The following OSBP2 variants were observed in gnomAD, a reference collection of about 807,000 sequenced individuals.
OSBP2 encodes oxysterol binding protein 2.
A neutral mutation model predicts 96.0 loss-of-function variants in OSBP2; 66 were observed. The observed-to-expected ratio is 0.69, with a 90% CI of 0.56 to 0.84. The LOEUF is 0.84. OSBP2 is among the 40% of genes least tolerant of loss of function. The pLI is 0.00. For synonymous variants in OSBP2, 525 were observed against 520.9 expected, an observed-to-expected ratio of 1.01 and a Z score of -0.11; for missense variants, 1,038 against 1,222.7, an observed-to-expected ratio of 0.85 and a Z score of 2.25.
chr22:30,858,194 C>T (rs1459232476), intron 2 of OSBP2, among the ~76,000 whole-genome samples: 3 of 147,736 alleles, frequency 2.0e-5, no homozygotes, highest in Middle Eastern at 3.2e-3. Context: ...GGCCGGACTG[C>T]GGACTGCAGT....
chr22:30,811,220 A>G (rs136248), intron 2 of OSBP2, among the ~76,000 whole-genome samples: 75,705 of 150,508 alleles, frequency 0.5, 20,079 homozygotes, highest in African/African-American at 0.69. Context: ...ATACTGATCA[A>G]GAGCTTGCTT....
chr22:30,795,826 C>T (rs1373527660), intron 2 of OSBP2, among the ~76,000 whole-genome samples: 1 of 152,208 alleles, frequency 6.6e-6, no homozygotes, highest in African/African-American at 2.4e-5. Flanking sequence ...GCCTCCAGTG[C>T]ATTCTTAGCT....
chr22:30,824,798 T>A (rs1261694106), intron 2 of OSBP2, among the ~76,000 whole-genome samples: 2 of 152,198 alleles, frequency 1.3e-5, no homozygotes, highest in Non-Finnish European at 2.9e-5. Context: ...GCTTGCTGCC[T>A]GCTCCGGGAT....
At chr22:30,872,084 G>GA (rs1164960262) in intron 3 of OSBP2, among the ~76,000 whole-genome samples, 5 of 152,226 alleles carry the variant, frequency 3.3e-5, no homozygotes. Context: ...GTGCTGGGGG[G>GA]TGGGGGGCAG....
At chr22:30,878,114 T>G (rs999894798) in intron 3 of OSBP2, among the ~76,000 whole-genome samples, 2 of 151,700 alleles carry the variant, frequency 1.3e-5, no homozygotes, top group East Asian at 1.9e-4. Context: ...GGAGGGGAGG[T>G]TGGAGTGAAG....
intron 1 of OSBP2, among the ~76,000 whole-genome samples, chr22:30,730,774 C>CTCTATA (rs1569100458): frequency 6.5e-4 from 9 of 13,838 alleles, no homozygotes; most frequent in Non-Finnish European, 9.5e-4. Flanking sequence ...CTCTCTCTCT[C>CTCTATA]TATATATATA....
rs985718681 is a variant in OSBP2, at chr22:30,695,671, T to C, written c.644+118T>C. Reference sequence around the variant, plus strand: ...ACTAGTCTAGAGATGTTTAGGGGCATGCATTCCAGCAGGCCAAGTCACGCT... The same window carrying C: ...ACTAGTCTAGAGATGTTTAGGGGCACGCATTCCAGCAGGCCAAGTCACGCT... On this transcript the variant is annotated intron_variant, in intron 1 of 13. Coordinates refer to ENST00000332585, the MANE Select transcript of OSBP2 (RefSeq NM_030758.4). 39 of 1,487,624 alleles carry C rather than the reference T, an allele frequency of 2.6e-5. No homozygotes were observed. In the African/African-American group the frequency reaches 3.1e-4, roughly 12 times the overall value. 92.2% of individuals were successfully genotyped at this position (1,487,624 alleles called of 1,614,324 possible).
At chr22:30,694,476 A>C, upstream of OSBP2, 2 of 1,184,832 alleles carry the variant, frequency 1.7e-6, no homozygotes, top group South Asian at 1.6e-5. Context: ...GAGCGAACCC[A>C]CCCCAGCCTG....
At chr22:30,745,942 T>C (rs554716572) in intron 2 of OSBP2, among the ~76,000 whole-genome samples, 2 of 152,244 alleles carry the variant, frequency 1.3e-5, no homozygotes, top group East Asian at 1.9e-4. Context: ...ACAAATTAGA[T>C]AACCTGGATG....
Position 30,698,968 on chromosome 22 carries a change from G to C in OSBP2, c.644+3415G>C, listed in dbSNP as rs144486221. ...CAATTTTTGTTTTTTTTGAGACAGA[G>C]TCTTATTCTGTTGCCCAGGCTGGAG... On this transcript the variant is annotated intron_variant, in intron 1 of 13. Coordinates refer to ENST00000332585, the MANE Select transcript of OSBP2 (RefSeq NM_030758.4). 6.5e-3 allele frequency among the ~76,000 whole-genome samples: 992 copies of C among 151,908 alleles called. 9 individuals are homozygous for C. The highest frequency in any genetic ancestry group is 0.02 in the Middle Eastern group (6 of 294).
intron 2 of OSBP2, among the ~76,000 whole-genome samples, chr22:30,760,783 A>G (rs1038352805): frequency 2.0e-5 from 3 of 151,940 alleles, no homozygotes; most frequent in African/African-American, 7.3e-5. Context: ...GCACCACTGC[A>G]CCCCAGCCTG....
intron 1 of OSBP2, among the ~76,000 whole-genome samples, chr22:30,703,407 C>T (rs1017094686): frequency 6.6e-6 from 1 of 151,634 alleles, no homozygotes; most frequent in Non-Finnish European, 1.5e-5. Flanking sequence ...CTCTTGAGTT[C>T]AAGTGATCCA....
intron 2 of OSBP2, among the ~76,000 whole-genome samples, chr22:30,741,854 C>G (rs975521874): frequency 4.0e-5 from 6 of 150,142 alleles, no homozygotes; most frequent in South Asian, 4.2e-4. Context: ...GAGTCTCACT[C>G]TGTCGCCCAG....
At position 30,741,094 on chromosome 22, in the gene OSBP2, G is replaced by C. The variant is rs376134025; in HGVS notation, c.645-67G>C. On this transcript the variant is annotated intron_variant, in intron 1 of 13. Coordinates refer to ENST00000332585, the MANE Select transcript of OSBP2 (RefSeq NM_030758.4). Reference sequence around the variant, plus strand: ...CTGAGATTCTGAGGATTTGCCTGGAGGGTTTCTTTAGTCTGGAGCCATTGA... The same window carrying C: ...CTGAGATTCTGAGGATTTGCCTGGACGGTTTCTTTAGTCTGGAGCCATTGA... The C allele has an allele frequency of 1.3e-3, 1,599 of 1,252,640 alleles. 40 individuals are homozygous for C. In the South Asian group the frequency reaches 0.02, roughly 16 times the overall value. The allele number at this position is 1,252,640 out of a possible 1,614,324, so 77.6% of individuals were successfully genotyped here.
chr22:30,871,972 C>T lies in OSBP2; in HGVS notation c.1107+1290C>T, dbSNP rs2039468247. Among the ~76,000 whole-genome samples the T allele has an allele frequency of 1.3e-5, 2 of 152,240 alleles. No individual in the cohort carries two copies. The highest frequency in any genetic ancestry group is 4.1e-4 in the South Asian group (2 of 4,834). ...TCCCACCCTGGGGCCTGAGGCTGGG[C>T]GAGGTGTGCCCCCCTTCCCGACTGC... On this transcript the variant is annotated intron_variant, in intron 3 of 13. Transcript: ENST00000332585. The surrounding 1 kb of genome is among the most constrained non-coding windows in gnomAD (Gnocchi z 4.7).
intron 1 of OSBP2, among the ~76,000 whole-genome samples, chr22:30,700,774 G>A (rs781012150): frequency 6.6e-6 from 1 of 152,110 alleles, no homozygotes; most frequent in Non-Finnish European, 1.5e-5. Context: ...GATAGCTGCA[G>A]TCAAGTGAGA....
At chr22:30,897,181 CATT>C (rs982785813) in intron 12 of OSBP2, among the ~76,000 whole-genome samples, 1 of 152,152 alleles carries the variant, frequency 6.6e-6, no homozygotes, top group African/African-American at 2.4e-5. Flanking sequence ...TAGTTTTAAA[CATT>C]ATGCATATAA....
At position 30,905,818 on chromosome 22, in the gene OSBP2, G is replaced by A. The variant is rs1268174316; in HGVS notation, c.2376-19G>A. The A allele has an allele frequency of 2.5e-6, 4 of 1,610,306 alleles. No individual in the cohort carries two copies. The highest frequency in any genetic ancestry group is 1.1e-5 in the South Asian group (1 of 90,702). On this transcript the variant is annotated intron_variant, in intron 12 of 13. Transcript: ENST00000332585. ...GGCTCACACCGCAGCCACCGCCACCGCCACCACCACCGCCACAGGGAGAAC... is the reference window on the plus strand; with the variant it reads ...GGCTCACACCGCAGCCACCGCCACCACCACCACCACCGCCACAGGGAGAAC...
intron 2 of OSBP2, among the ~76,000 whole-genome samples, chr22:30,862,969 AAAAAAAAG>A (rs2039252558): frequency 6.6e-6 from 1 of 151,942 alleles, no homozygotes; most frequent in Non-Finnish European, 1.5e-5. Context: ...TCTCAAAAAA[AAAAAAAAG>A]AAAAAAAGAA....
Sources: gnomAD v4.1 joint callset for allele counts (sites outside exome capture counted in the v4.1 genomes callset) on GRCh38, gnomAD v4.1.1 for gene constraint, Gnocchi (gnomAD v3.1) non-coding constraint, MANE v1.5 for transcripts, NCBI Gene and HGNC (gene_info 2026-07-23, HGNC 2026-07-21) for gene names.